The following NCKAP1 variants were observed in gnomAD, a reference collection of about 807,000 sequenced individuals.
NCKAP1 encodes nck-associated protein 1.
A neutral mutation model predicts 151.2 loss-of-function variants in NCKAP1; 21 were observed. That is an observed-to-expected ratio of 0.14 (90% CI 0.10 to 0.20). The LOEUF (loss-of-function observed/expected upper bound fraction) is 0.20, where lower values mean the gene tolerates loss of function less well. Ranked by LOEUF, NCKAP1 falls within the 10% of genes least tolerant of loss-of-function variation. The probability of loss-of-function intolerance (pLI) is 1.00; values close to 1 mark genes in which losing one functional copy is unlikely to be tolerated. For missense variants in NCKAP1, 933 were observed against 1,352.1 expected (o/e 0.69, Z 4.86); for synonymous variants, 484 against 451.8 (o/e 1.07, Z -0.90).
chr2:182,954,510 T>A (rs1396203171), intron 20 of NCKAP1, among the ~76,000 whole-genome samples: 1 of 152,182 alleles, frequency 6.6e-6, no homozygotes, highest in African/African-American at 2.4e-5. Context: ...AAAACTGCTA[T>A]CCTAGTGTAT....
chr2:183,027,994 A>G (rs1441156202), intron 1 of NCKAP1, among the ~76,000 whole-genome samples: 1 of 152,194 alleles, frequency 6.6e-6, no homozygotes, highest in African/African-American at 2.4e-5. Context: ...AATTAAACTT[A>G]GTTATCAAAA....
At chr2:182,958,395 C>T (rs1188236593) in intron 18 of NCKAP1, among the ~76,000 whole-genome samples, 1 of 152,142 alleles carries the variant, frequency 6.6e-6, no homozygotes, top group Admixed American at 6.5e-5. Flanking sequence ...CCACCTGCCT[C>T]GGCCTCCCAA....
At position 182,916,186 on chromosome 2, in the gene NCKAP1, A is replaced by AC. The variant is rs1239465348; in HGVS notation, c.*9515_*9516insG. The stretch of plus-strand genomic sequence containing the variant: ...CCTTCTGTCAAAAAAAAAAAAAAAA[A>AC]AAAAACATGTCTCTGTGTCATCACT... On this transcript the variant is annotated 3_prime_UTR_variant, in exon 31 of 31. Transcript: ENST00000361354. The AC allele has an allele frequency of 3.8e-4, 57 of 151,396 alleles. No individual in the cohort carries two copies. Among genetic ancestry groups the AC allele is most frequent in the Non-Finnish European group, 7.2e-4 (49 of 67,902 alleles). The allele number at this position is 151,396 out of a possible 1,614,324, so 9.4% of individuals were successfully genotyped here.
At chr2:182,945,783 C>A (rs1456333047) in intron 23 of NCKAP1, among the ~76,000 whole-genome samples, 2 of 152,162 alleles carry the variant, frequency 1.3e-5, no homozygotes, top group Non-Finnish European at 2.9e-5. Context: ...TACTACTCAA[C>A]CCAGCAATCT....
At chr2:183,027,684 ATC>A (rs1453642653) in intron 1 of NCKAP1, among the ~76,000 whole-genome samples, 2 of 152,036 alleles carry the variant, frequency 1.3e-5, no homozygotes, top group African/African-American at 4.8e-5. Flanking sequence ...GCAAGATCCT[ATC>A]TCTACAAAAA....
chr2:182,933,861 G>A lies in NCKAP1; in HGVS notation c.2859+891C>T, dbSNP rs183075792. ...CTTAGAAAACACAAATGTAAACCCC[G>A]ATATATCACTTACTAGATGTATAAC... On this transcript the variant is annotated intron_variant, in intron 26 of 30. Transcript: ENST00000361354. Among the ~76,000 whole-genome samples, 5 of 152,072 alleles carry A rather than the reference G, an allele frequency of 3.3e-5. No homozygotes were observed. In the East Asian group the frequency reaches 9.7e-4, roughly 29 times the overall value.
At chr2:183,033,658 C>T (rs542096160) in intron 1 of NCKAP1, among the ~76,000 whole-genome samples, 1 of 152,288 alleles carries the variant, frequency 6.6e-6, no homozygotes, top group African/African-American at 2.4e-5. Flanking sequence ...AAGAATAGCT[C>T]ATATGATGGC....
At chr2:182,941,231 CA>C (rs1696988508) in intron 24 of NCKAP1, among the ~76,000 whole-genome samples, 1 of 150,584 alleles carries the variant, frequency 6.6e-6, no homozygotes, top group African/African-American at 2.4e-5. Flanking sequence ...GTAAAAAAAG[CA>C]AAAGAAAATA....
At chr2:182,960,164 A>T (rs1482792291) in intron 18 of NCKAP1, among the ~76,000 whole-genome samples, 3 of 152,198 alleles carry the variant, frequency 2.0e-5, no homozygotes, top group African/African-American at 7.2e-5. Flanking sequence ...GCCCAAGGTA[A>T]TTTATAGATT....
At chr2:183,011,134 T>C (rs1429027013) in intron 2 of NCKAP1, among the ~76,000 whole-genome samples, 2 of 152,236 alleles carry the variant, frequency 1.3e-5, no homozygotes, top group African/African-American at 4.8e-5. Flanking sequence ...TGATGAGAGT[T>C]CCTTTTAACG....
intron 30 of NCKAP1, 29 bp downstream of exon 30, chr2:182,926,787 T>A: frequency 7.0e-7 from 1 of 1,436,200 alleles, no homozygotes; most frequent in South Asian, 1.2e-5. Flanking sequence ...AACTTTTTTA[T>A]TGTTAGTAAA....
At chr2:182,984,649 G>A (rs1196495718) in intron 10 of NCKAP1, among the ~76,000 whole-genome samples, 1 of 151,876 alleles carries the variant, frequency 6.6e-6, no homozygotes, top group African/African-American at 2.4e-5. Flanking sequence ...AATCTTTCAT[G>A]ATGCCTGATA....
chr2:182,977,754 T>C (rs1697855537), intron 14 of NCKAP1, among the ~76,000 whole-genome samples: 1 of 152,150 alleles, frequency 6.6e-6, no homozygotes. Context: ...AAAGAATTTG[T>C]TTTGCAAGAT....
intron 19 of NCKAP1, 27 bp from the exon 20 acceptor site, chr2:182,956,620 A>T (rs371398419): frequency 5.1e-6 from 8 of 1,581,966 alleles, no homozygotes; most frequent in Non-Finnish European, 6.0e-6. Context: ...AACAGTTAAA[A>T]TGTTCACATG....
chr2:182,983,936 C>A (rs1399949294), intron 10 of NCKAP1, among the ~76,000 whole-genome samples: 1 of 151,394 alleles, frequency 6.6e-6, no homozygotes, highest in African/African-American at 2.4e-5. Flanking sequence ...GAGGCTGAGG[C>A]AGGAAAATCA....
At position 182,913,994 on chromosome 2, in the gene NCKAP1, T is replaced by C. The variant is rs1234254514; in HGVS notation, c.*11708A>G. The C allele has an allele frequency of 6.6e-6, 1 of 152,226 alleles. No homozygotes were observed. Among genetic ancestry groups the C allele is most frequent in the Non-Finnish European group, 1.5e-5 (1 of 68,072 alleles). 9.4% of individuals were successfully genotyped at this position (152,226 alleles called of 1,614,324 possible). ...GAAAACTCTGATAAGAACCCACCAT[T>C]TACAAGCTATTGGACTAACTCCCCT... On this transcript the variant is annotated 3_prime_UTR_variant, in exon 31 of 31. Coordinates refer to ENST00000361354, the MANE Select transcript of NCKAP1 (RefSeq NM_013436.5).
chr2:182,985,793 A>C, intron 10 of NCKAP1, among the ~76,000 whole-genome samples: 1 of 147,524 alleles, frequency 6.8e-6, no homozygotes, highest in South Asian at 2.2e-4. Flanking sequence ...ACAGAGTGAG[A>C]CTGTCTCAAA....
chr2:182,962,582 T>A (rs1697478783), intron 17 of NCKAP1, among the ~76,000 whole-genome samples: 1 of 152,140 alleles, frequency 6.6e-6, no homozygotes, highest in Admixed American at 6.6e-5. Context: ...AAGTCCTATA[T>A]CCAGTTCTTA....
intron 15 of NCKAP1, among the ~76,000 whole-genome samples, chr2:182,974,792 G>C (rs1289473421): frequency 2.0e-5 from 3 of 151,708 alleles, no homozygotes; most frequent in African/African-American, 4.8e-5. Context: ...GCAGCCCTAG[G>C]AAACTAACAC....
Sources: gnomAD v4.1 joint callset for allele counts (sites outside exome capture counted in the v4.1 genomes callset) on GRCh38, gnomAD v4.1.1 for gene constraint, MANE v1.5 for transcripts, NCBI Gene and HGNC (gene_info 2026-07-23, HGNC 2026-07-21) for gene names.